ANKS6: variants seen among roughly 807,000 people sequenced by gnomAD.
The protein encoded by ANKS6 is ankyrin repeat and SAM domain-containing protein 6.
In ANKS6, 47 loss-of-function variants were observed where a neutral mutation model predicts 77.9. That is an observed-to-expected ratio of 0.60 (90% confidence interval 0.48 to 0.77). The LOEUF (loss-of-function observed/expected upper bound fraction) is 0.77. ANKS6 is among the 30% of genes least tolerant of loss of function. The pLI is 0.00. For synonymous variants in ANKS6, 488 were observed against 501.7 expected (o/e 0.97, Z 0.37); for missense variants, 1,150 against 1,159.1 (o/e 0.99, Z 0.11).
rs1588307000 is a variant in ANKS6 at position 98,735,681 on chromosome 9, A to C, written c.*838T>G. The C allele has an allele frequency of 8.1e-7, 1 of 1,231,770 alleles. No individual in the cohort carries two copies. The highest frequency in any genetic ancestry group is 1.0e-6 in the Non-Finnish European group (1 of 987,984). The allele number at this position is 1,231,770 out of a possible 1,614,324, so 76.3% of individuals were successfully genotyped here. ...GAGTACCAGAGCATCATCTGGTCTG[A>C]CCTTCCACTTTGCAGATAAGGAAAC... On this transcript the variant is annotated 3_prime_UTR_variant, in exon 15 of 15. Coordinates refer to ENST00000353234, the MANE Select transcript of ANKS6 (RefSeq NM_173551.5).
intron 14 of ANKS6, among the ~76,000 whole-genome samples, chr9:98,737,640 T>A (rs536443371): frequency 6.6e-6 from 1 of 152,342 alleles, no homozygotes; most frequent in Non-Finnish European, 1.5e-5. Flanking sequence ...ATCAATATTG[T>A]GAAAATGCCC....
At chr9:98,776,541 C>T (rs1230195614) in intron 8 of ANKS6, among the ~76,000 whole-genome samples, 1 of 152,130 alleles carries the variant, frequency 6.6e-6, no homozygotes, top group South Asian at 2.1e-4. Flanking sequence ...TCTGGTATTA[C>T]AGGCGCCCAC....
At chr9:98,789,316 C>T (rs890166643) in intron 2 of ANKS6, among the ~76,000 whole-genome samples, 2 of 151,146 alleles carry the variant, frequency 1.3e-5, no homozygotes, top group Admixed American at 6.6e-5. Flanking sequence ...CTGTGTGTTG[C>T]GATCTTATTG....
chr9:98,745,329 T>C (rs1001575110), intron 14 of ANKS6, among the ~76,000 whole-genome samples: 4 of 152,164 alleles, frequency 2.6e-5, no homozygotes, highest in African/African-American at 9.7e-5. Context: ...TTCACAGTGC[T>C]CCCGAGGGCC....
At chr9:98,762,695 T>A (rs868601540) in intron 11 of ANKS6, among the ~76,000 whole-genome samples, 1 of 152,180 alleles carries the variant, frequency 6.6e-6, no homozygotes, top group Admixed American at 6.6e-5. Flanking sequence ...GATTTTATAA[T>A]GGTGAACCAG....
At chr9:98,752,494 A>G (rs562174400) in intron 12 of ANKS6, among the ~76,000 whole-genome samples, 1 of 152,106 alleles carries the variant, frequency 6.6e-6, no homozygotes, top group Non-Finnish European at 1.5e-5. Flanking sequence ...AATGGACACT[A>G]GGTAGCAAGG....
At chr9:98,762,575 C>T (rs552724438) in intron 11 of ANKS6, among the ~76,000 whole-genome samples, 3 of 152,124 alleles carry the variant, frequency 2.0e-5, no homozygotes, top group African/African-American at 7.2e-5. Context: ...CAGGAGGTTT[C>T]CCTCAATTCC....
chr9:98,783,384 G>A (rs949036383), intron 4 of ANKS6, among the ~76,000 whole-genome samples: 3 of 152,128 alleles, frequency 2.0e-5, no homozygotes, highest in Non-Finnish European at 4.4e-5. Context: ...CTCTAACTGG[G>A]AGTCAGATCA....
chr9:98,768,372 G>T, intron 10 of ANKS6, 122 bp from the exon 11 acceptor site: 1 of 1,233,124 alleles, frequency 8.1e-7, no homozygotes, highest in Non-Finnish European at 1.1e-6. Context: ...TCCCCATGTG[G>T]CTCCAGGACA....
chr9:98,784,265 G>T, intron 3 of ANKS6, 108 bp from the exon 4 acceptor site: 1 of 1,053,272 alleles, frequency 9.5e-7, no homozygotes. Flanking sequence ...TGCCTCTGCA[G>T]TGGGCTGCTG....
At position 98,734,303 on chromosome 9, in the gene ANKS6, G is replaced by T; in HGVS notation, c.*2216C>A. 1.0e-6 allele frequency: 1 copy of T among 985,472 alleles called. No homozygotes were observed. Among genetic ancestry groups the T allele is most frequent in the Non-Finnish European group, 1.2e-6 (1 of 829,986 alleles). The allele number at this position is 985,472 out of a possible 1,614,324, so 61.0% of individuals were successfully genotyped here. On this transcript the variant is annotated 3_prime_UTR_variant, in exon 15 of 15. Transcript: ENST00000353234. ...CCCGCTCTGTCCAGGGTCATCCAAT[G>T]AGTTCATGGAGGTCTACATTTGTGA... is the stretch of plus-strand genomic sequence containing the variant.
rs1437860441 is a variant in ANKS6, at chr9:98,773,930, G to C, written c.1768C>G (p.Leu590Val). 1 of 1,598,360 alleles carries C rather than the reference G, an allele frequency of 6.3e-7. No individual in the cohort carries two copies. The highest frequency in any genetic ancestry group is 8.5e-7 in the Non-Finnish European group (1 of 1,175,396). Residue 590 changes from leucine to valine, a missense_variant, in exon 9 of 15, where the codon CTG becomes GTG. By Grantham distance (32) the Leu-to-Val change is conservative (BLOSUM62 1). Coordinates refer to ENST00000353234, the MANE Select transcript of ANKS6 (RefSeq NM_173551.5). ...NGKADPMKTALPQRASRGHPV... is the reference protein window; with the variant it reads ...NGKADPMKTAVPQRASRGHPV... The stretch of plus-strand genomic sequence containing the variant: ...TGGCCCCTGCTGGCTCTCTGGGGCA[G>C]CGCAGTCTTCATGGGGTCTGCCTTC...
At chr9:98,764,496 T>G (rs1833167801) in intron 11 of ANKS6, among the ~76,000 whole-genome samples, 1 of 152,166 alleles carries the variant, frequency 6.6e-6, no homozygotes, top group African/African-American at 2.4e-5. Flanking sequence ...GGATTCCAAT[T>G]ACCTCTATGC....
intron 14 of ANKS6, among the ~76,000 whole-genome samples, chr9:98,741,161 T>C (rs1476771189): frequency 6.6e-6 from 1 of 152,236 alleles, no homozygotes; most frequent in East Asian, 1.9e-4. Flanking sequence ...CAGGTAGGAA[T>C]TTTTTAAAAA....
intron 1 of ANKS6, among the ~76,000 whole-genome samples, chr9:98,795,742 G>A (rs4743278): frequency 0.64 from 96,915 of 151,922 alleles, 31,451 homozygotes; most frequent in African/African-American, 0.74. Context: ...CCTTTGCCTG[G>A]CCTGCCCACC....
At position 98,796,436 on chromosome 9, in the gene ANKS6, T is replaced by C; in HGVS notation, c.56A>G (p.Gln19Arg). The change falls in exon 1 of 15, where the codon CAG becomes CGG. Residue 19 changes from glutamine to arginine, a missense_variant. Transcript: ENST00000353234. ...AFQLLLRACD[Q>R]GDTETARRLL... The stretch of plus-strand genomic sequence containing the variant: ...CCGCCGCGCCGTCTCCGTGTCGCCC[T>C]GGTCACACGCGCGCAGCAGCAGCTG... The C allele has an allele frequency of 1.0e-6, 1 of 994,790 alleles. No individual in the cohort carries two copies. Among genetic ancestry groups the C allele is most frequent in the Non-Finnish European group, 1.2e-6 (1 of 838,210 alleles). 61.6% of individuals were successfully genotyped at this position (994,790 alleles called of 1,614,324 possible).
intron 6 of ANKS6, among the ~76,000 whole-genome samples, chr9:98,778,937 C>T (rs1000133901): frequency 3.3e-5 from 5 of 152,216 alleles, no homozygotes; most frequent in Non-Finnish European, 5.9e-5. Flanking sequence ...GGCACTACCT[C>T]CTGGGAACGC....
chr9:98,777,599 T>C, intron 7 of ANKS6, 145 bp from the exon 8 acceptor site: 1 of 726,754 alleles, frequency 1.4e-6, no homozygotes, highest in Admixed American at 2.7e-5. Flanking sequence ...GATATTTTAA[T>C]AGAAGGAAGG....
At chr9:98,794,110 A>T (rs1236015240) in intron 1 of ANKS6, among the ~76,000 whole-genome samples, 4 of 142,404 alleles carry the variant, frequency 2.8e-5, no homozygotes, top group South Asian at 4.5e-4. Context: ...AGATCACGCC[A>T]CTGCACTCCA....
Sources: gnomAD v4.1 joint callset for allele counts (sites outside exome capture counted in the v4.1 genomes callset) on GRCh38, gnomAD v4.1.1 for gene constraint, MANE v1.5 for transcripts, NCBI Gene and HGNC (gene_info 2026-07-23, HGNC 2026-07-21) for gene names.